ERC1: variants seen among roughly 807,000 people sequenced by gnomAD.
The protein encoded by ERC1 is ELKS/RAB6-interacting/CAST family member 1.
In ERC1, 56 loss-of-function variants were observed where a neutral mutation model predicts 132.0. The ratio of observed to expected loss-of-function variants is 0.42; its 90% CI spans 0.34 to 0.53. The LOEUF (loss-of-function observed/expected upper bound fraction) is 0.53. Among genes scored for constraint, ERC1 ranks in the 20% least tolerant of loss-of-function variants. The probability of loss-of-function intolerance (pLI) is 0.03; values close to 1 mark genes in which losing one functional copy is unlikely to be tolerated. For missense variants in ERC1, 1,202 were observed against 1,349.9 expected (o/e 0.89, Z 1.72); for synonymous variants, 478 against 476.1 (o/e 1.00, Z -0.05).
intron 12 of ERC1, among the ~76,000 whole-genome samples, chr12:1,201,789 A>G (rs1474505981): frequency 4.6e-5 from 7 of 152,254 alleles, no homozygotes; most frequent in Non-Finnish European, 1.0e-4. Flanking sequence ...ATAAACTGCT[A>G]TATAATTCAT....
chr12:1,168,583 C>G (rs147208180), intron 8 of ERC1, among the ~76,000 whole-genome samples: 4,344 of 146,822 alleles, frequency 0.03, 221 homozygotes, highest in African/African-American at 0.1. Flanking sequence ...CTCCCAGGTT[C>G]AAGCAATTCT....
chr12:1,486,235 T>G (rs968560837), intron 18 of ERC1, among the ~76,000 whole-genome samples: 1 of 152,230 alleles, frequency 6.6e-6, no homozygotes, highest in Admixed American at 6.5e-5. Flanking sequence ...AAAGAACCTT[T>G]AGGATTTGTT....
rs1222040606 is a variant in ERC1, at chr12:1,083,167, A to T, written c.673A>T (p.Met225Leu). Reference protein sequence around the residue: ...YRVVQEENQHMQMTIQALQDE... With the variant: ...YRVVQEENQHLQMTIQALQDE... The stretch of plus-strand genomic sequence containing the variant: ...TTTCTTTTTGTCTTGGTTCTAGCAC[A>T]TGCAGATGACAATCCAGGCTCTCCA... The change falls in exon 3 of 19, where the codon ATG becomes TTG. Residue 225 changes from methionine (M) to leucine (L), a missense_variant. By Grantham distance (15) the Met-to-Leu change is conservative. Transcript: ENST00000360905. 2 of 1,611,312 alleles carry T rather than the reference A, an allele frequency of 1.2e-6. No homozygotes were observed.
intron 16 of ERC1, among the ~76,000 whole-genome samples, chr12:1,394,046 C>CAAAAAAAAAAAAATAAAAAAAAAAAA (rs1555389413): frequency 1.4e-5 from 1 of 70,810 alleles, no homozygotes; most frequent in Admixed American, 1.4e-4. Context: ...AAAAAAAAAC[C>CAAAAAAAAAAAAATAAAAAAAAAAAA]ACAAAGCATT....
chr12:1,092,617 A>G (rs1192305017), intron 3 of ERC1, among the ~76,000 whole-genome samples: 1 of 152,222 alleles, frequency 6.6e-6, no homozygotes, highest in Non-Finnish European at 1.5e-5. Context: ...TATGTGATTA[A>G]ACTCTGTTTA....
intron 15 of ERC1, among the ~76,000 whole-genome samples, chr12:1,354,904 A>T (rs1419754572): frequency 1.3e-5 from 2 of 152,108 alleles, no homozygotes; most frequent in African/African-American, 4.8e-5. Context: ...AGCCTCCCAA[A>T]ATCCTGGGAT....
chr12:1,397,638 CAAG>C (rs2090651336), intron 16 of ERC1, among the ~76,000 whole-genome samples: 1 of 151,910 alleles, frequency 6.6e-6, no homozygotes, highest in African/African-American at 2.4e-5. Context: ...CTAATAATTG[CAAG>C]AAGAAACAAT....
chr12:1,182,282 T>G (rs535114754), intron 10 of ERC1, among the ~76,000 whole-genome samples: 61 of 152,336 alleles, frequency 4.0e-4, no homozygotes, highest in African/African-American at 1.4e-3. Flanking sequence ...CTCACTTTGT[T>G]TTATGTTGGT....
rs550813592 is a variant in ERC1 at position 1,144,295 on chromosome 12, T to G, written c.1737+2508T>G. 1.3e-4 allele frequency among the ~76,000 whole-genome samples: 20 copies of G among 152,276 alleles called. No individual in the cohort carries two copies. In the South Asian group the frequency reaches 1.7e-3, roughly 13 times the overall value. On this transcript the variant is annotated intron_variant, in intron 8 of 18. Transcript: ENST00000360905. ...AGTAGTTTTTGGAGAACAGGTGGTGTTTGGTGACATGGATAAGTTCTTGAG... is the reference window on the plus strand; with the variant it reads ...AGTAGTTTTTGGAGAACAGGTGGTGGTTGGTGACATGGATAAGTTCTTGAG...
Position 1,008,120 on chromosome 12 carries a change from C to T in ERC1, c.-157+16798C>T, listed in dbSNP as rs566032042. Among the ~76,000 whole-genome samples the T allele has an allele frequency of 3.9e-5, 6 of 152,242 alleles. No homozygotes were observed. In the East Asian group the frequency reaches 7.7e-4, roughly 20 times the overall value. On this transcript the variant is annotated intron_variant, in intron 1 of 18. Coordinates refer to ENST00000360905, the MANE Select transcript of ERC1 (RefSeq NM_178040.4). The stretch of plus-strand genomic sequence containing the variant: ...GTTACCCAGGGATTCTGCTAGATAC[C>T]GTTCACTACTGTCAACCACCATCAC...
intron 18 of ERC1, among the ~76,000 whole-genome samples, chr12:1,445,804 C>T (rs1306116583): frequency 6.6e-6 from 1 of 152,188 alleles, no homozygotes; most frequent in African/African-American, 2.4e-5. Flanking sequence ...TTCCATGAAG[C>T]GGTAGCCACT....
intron 12 of ERC1, among the ~76,000 whole-genome samples, chr12:1,226,476 A>G (rs559053464): frequency 1.3e-4 from 20 of 152,212 alleles, no homozygotes; most frequent in Non-Finnish European, 2.9e-4. Context: ...TGCGCCGAAC[A>G]GTATTATTAA....
chr12:1,012,418 C>T (rs1323285885), intron 1 of ERC1, among the ~76,000 whole-genome samples: 1 of 151,798 alleles, frequency 6.6e-6, no homozygotes, highest in Non-Finnish European at 1.5e-5. Context: ...TCCTGTGCAG[C>T]TCTTCCTGAT....
At chr12:1,274,740 C>T (rs2078141462) in intron 14 of ERC1, among the ~76,000 whole-genome samples, 1 of 152,138 alleles carries the variant, frequency 6.6e-6, no homozygotes, top group Admixed American at 6.5e-5. Flanking sequence ...ATCCGCACAC[C>T]TTGACCTCCC....
intron 18 of ERC1, among the ~76,000 whole-genome samples, chr12:1,457,782 A>T (rs1039612128): frequency 6.6e-6 from 1 of 152,192 alleles, no homozygotes; most frequent in South Asian, 2.1e-4. Flanking sequence ...GGTCCTAGCT[A>T]CTTGGGTGGC....
intron 2 of ERC1, among the ~76,000 whole-genome samples, chr12:1,055,474 T>C (rs903749157): frequency 6.6e-6 from 1 of 152,170 alleles, no homozygotes; most frequent in African/African-American, 2.4e-5. Context: ...ACCACCATAC[T>C]TGGCCTGTTA....
rs749988911 is a variant in ERC1, at chr12:1,221,829, TGA to T, written c.2352-14932_2352-14931del. ...TGGAGCTCTTTGGAAGAAGGTAAAATGAGAGAGAGTGTGTGTATGTGTGTGCA... is the reference window on the plus strand; with the variant it reads ...TGGAGCTCTTTGGAAGAAGGTAAAATGAGAGAGTGTGTGTATGTGTGTGCA... On this transcript the variant is annotated intron_variant, in intron 12 of 18. Coordinates refer to ENST00000360905, the MANE Select transcript of ERC1 (RefSeq NM_178040.4). Among the ~76,000 whole-genome samples the T allele has an allele frequency of 1.6e-4, 24 of 152,280 alleles. No individual in the cohort carries two copies. In the East Asian group the frequency reaches 3.5e-3, roughly 22 times the overall value.
chr12:1,191,419 C>T (rs1400851617), intron 12 of ERC1, among the ~76,000 whole-genome samples: 6 of 152,176 alleles, frequency 3.9e-5, no homozygotes, highest in South Asian at 2.1e-4. Context: ...TACAAAAATG[C>T]GGTGCTTTTG....
At chr12:1,379,371 A>G (rs1392646339) in intron 16 of ERC1, among the ~76,000 whole-genome samples, 2 of 152,210 alleles carry the variant, frequency 1.3e-5, no homozygotes, top group Non-Finnish European at 2.9e-5. Flanking sequence ...CTTCCCTTGA[A>G]GATCCAGTGG....
Sources: gnomAD v4.1 joint callset for allele counts (sites outside exome capture counted in the v4.1 genomes callset) on GRCh38, gnomAD v4.1.1 for gene constraint, MANE v1.5 for transcripts, NCBI Gene and HGNC (gene_info 2026-07-23, HGNC 2026-07-21) for gene names.